LARP1: variants seen among roughly 807,000 people sequenced by gnomAD.
LARP1 encodes La ribonucleoprotein 1, translational regulator, also known as la-related protein 1.
A neutral mutation model predicts 122.7 loss-of-function variants in LARP1; 36 were observed. The observed-to-expected ratio is 0.29, with a 90% CI of 0.22 to 0.39. The LOEUF (loss-of-function observed/expected upper bound fraction) is 0.39. Among genes scored for constraint, LARP1 ranks in the 10% least tolerant of loss-of-function variants. The probability of loss-of-function intolerance (pLI) is 1.00; values close to 1 mark genes in which losing one functional copy is unlikely to be tolerated. For synonymous variants in LARP1, 539 were observed against 528.7 expected (o/e 1.02, Z -0.27); for missense variants, 1,040 against 1,403.6 (o/e 0.74, Z 4.14).
chr5:154,755,541 G>A lies in LARP1; in HGVS notation c.-217G>A. 1 of 986,932 alleles carries A rather than the reference G, an allele frequency of 1.0e-6. No homozygotes were observed. The highest frequency in any genetic ancestry group is 1.2e-6 in the Non-Finnish European group (1 of 829,802). 61.1% of individuals were successfully genotyped at this position (986,932 alleles called of 1,614,324 possible). ...GGAGGCCTGGACTGCAGAGTGGGGG[G>A]CCTTCCTCCCCCCCCGCCCCGCTAG... On this transcript the variant is annotated 5_prime_UTR_variant, in exon 1 of 19. Coordinates refer to ENST00000518297, the MANE Select transcript of LARP1 (RefSeq NM_033551.3).
Position 154,781,603 on chromosome 5 carries a change from GA to G in LARP1, c.437-8712del, listed in dbSNP as rs796931387. Among the ~76,000 whole-genome samples, 22 of 146,234 alleles carry G rather than the reference GA, an allele frequency of 1.5e-4. No homozygotes were observed. In the South Asian group the frequency reaches 2.8e-3, roughly 19 times the overall value. On this transcript the variant is annotated intron_variant, in intron 1 of 18. Transcript: ENST00000518297. Reference sequence around the variant, plus strand: ...AGTGAGACTCCGTCTCAAAAAAAAGGAAAAAAAAAACGGAAAAATAAATGAG... The same window carrying G: ...AGTGAGACTCCGTCTCAAAAAAAAGGAAAAAAAAACGGAAAAATAAATGAG...
At chr5:154,767,916 C>A (rs1755085652) in intron 1 of LARP1, among the ~76,000 whole-genome samples, 2 of 152,122 alleles carry the variant, frequency 1.3e-5, no homozygotes, top group African/African-American at 4.8e-5. Flanking sequence ...AAATCAGGAA[C>A]ACCTGGAAGA....
chr5:154,786,392 C>A, intron 1 of LARP1: 1 of 449,648 alleles, frequency 2.2e-6, no homozygotes, highest in South Asian at 1.6e-5. Context: ...AGCCCCCGGA[C>A]CCCCTGGAAC....
At chr5:154,724,403 G>C (rs1417493675) in intron 1 of LARP1, among the ~76,000 whole-genome samples, 1 of 152,162 alleles carries the variant, frequency 6.6e-6, no homozygotes, top group Non-Finnish European at 1.5e-5. Context: ...AGTCTTCTCT[G>C]GGTCCAATAT....
At chr5:154,739,439 A>G (rs1561555925) in intron 1 of LARP1, among the ~76,000 whole-genome samples, 1 of 152,242 alleles carries the variant, frequency 6.6e-6, no homozygotes, top group Non-Finnish European at 1.5e-5. Context: ...TGCCTTGCTA[A>G]AAGCGGTAAG....
chr5:154,768,332 G>A (rs1030891825), intron 1 of LARP1, among the ~76,000 whole-genome samples: 15 of 152,200 alleles, frequency 9.9e-5, no homozygotes, highest in African/African-American at 3.4e-4. Flanking sequence ...GTCAGGCCCT[G>A]AGATTCAGAG....
upstream of LARP1, among the ~76,000 whole-genome samples, chr5:154,751,448 T>A (rs1753484185): frequency 6.6e-6 from 1 of 152,224 alleles, no homozygotes; most frequent in South Asian, 2.1e-4. Context: ...TTAAATGAGA[T>A]AATGAATATC....
rs1223409537 is a variant in LARP1 at position 154,799,623 on chromosome 5, T to C, written c.1410T>C (p.Val470=). 1 of 1,614,032 alleles carries C rather than the reference T, an allele frequency of 6.2e-7. No individual in the cohort carries two copies. Among genetic ancestry groups the C allele is most frequent in the African/African-American group, 1.3e-5 (1 of 74,918 alleles). The change falls in exon 9 of 19, where the codon GTT becomes GTC. Residue 470 remains valine, a synonymous_variant. Coordinates refer to ENST00000518297, the MANE Select transcript of LARP1 (RefSeq NM_033551.3). ...AGGACAGCAAGGTGGTGGAGATCGT[T>C]GATGAGAAAGTTCGTAGGAGGGAGG... ...ALKDSKVVEI[V]DEKVRRREEP... is the part of the protein sequence containing the mutation.
intron 1 of LARP1, among the ~76,000 whole-genome samples, chr5:154,740,089 TAA>T (rs11437990): frequency 1.6e-4 from 19 of 118,768 alleles, no homozygotes; most frequent in African/African-American, 2.3e-4. Context: ...ACACAAACAT[TAA>T]AAAAAAAAAA....
chr5:154,811,130 T>A (rs115158361), intron 16 of LARP1, 117 bp from the exon 17 acceptor site: 2 of 744,924 alleles, frequency 2.7e-6, no homozygotes, highest in Non-Finnish European at 4.5e-6. Flanking sequence ...ATGCTGTTTT[T>A]TCAATACAGA....
rs376543701 is a variant in LARP1 at position 154,721,410 on chromosome 5, G to GTT, written c.205+8281_205+8282dup. Among the ~76,000 whole-genome samples the GTT allele has an allele frequency of 4.8e-3, 733 of 151,702 alleles. 6 individuals carry two copies. The highest frequency in any genetic ancestry group is 0.017 in the African/African-American group (701 of 41,378). ...CTCTGTTTGTTTGAATGTTGAAAAC[G>GTT]TTCATGTGGCCCCACCCACAGCTTC... is the stretch of plus-strand genomic sequence containing the variant. On this transcript the variant is annotated intron_variant, in intron 1 of 18. Coordinates refer to the LARP1 transcript ENST00000336314.
At chr5:154,690,280 A>G (rs78189925) in intron 1 of LARP1, among the ~76,000 whole-genome samples, 6,690 of 152,142 alleles carry the variant, frequency 0.044, 247 homozygotes, top group Admixed American at 0.11. Flanking sequence ...ATTTGGGTGG[A>G]CTTCATGGAA....
At position 154,795,246 on chromosome 5, in the gene LARP1, T is replaced by C; in HGVS notation, c.1304T>C (p.Phe435Ser). ...CGAAGGAAAATGGATGCTGATGGTTTCCTACCCATCACCCTTATTGCTTCC... is the reference window on the plus strand; with the variant it reads ...CGAAGGAAAATGGATGCTGATGGTTCCCTACCCATCACCCTTATTGCTTCC... ...FLRRKMDADG[F>S]LPITLIASFH... is the part of the protein sequence containing the mutation. The change falls in exon 8 of 19, where the codon TTC becomes TCC. Residue 435 changes from phenylalanine to serine, a missense_variant. This residue lies in a region of LARP1 where 362 missense variants were observed against 533.1 expected (regional missense o/e 0.68). Transcript: ENST00000518297. The C allele has an allele frequency of 6.2e-7, 1 of 1,613,254 alleles. No individual in the cohort carries two copies. Among genetic ancestry groups the C allele is most frequent in the South Asian group, 1.1e-5 (1 of 91,058 alleles).
At chr5:154,790,549 G>T in intron 2 of LARP1, 96 bp from the exon 3 acceptor site, 1 of 1,399,948 alleles carries the variant, frequency 7.1e-7, no homozygotes, top group South Asian at 1.2e-5. Context: ...TGAACAGACT[G>T]ATTTGGCCTC....
intron 1 of LARP1, among the ~76,000 whole-genome samples, chr5:154,771,442 T>C (rs1469891327): frequency 6.6e-6 from 1 of 152,206 alleles, no homozygotes; most frequent in Non-Finnish European, 1.5e-5. Context: ...GGTTCACTAA[T>C]TTGCTGAAGG....
chr5:154,746,830 TA>T (rs1561561091), intron 1 of LARP1, among the ~76,000 whole-genome samples: 2 of 152,046 alleles, frequency 1.3e-5, no homozygotes, highest in Admixed American at 6.6e-5. Context: ...GTGTCTCTAC[TA>T]AAAAACTGAA....
At chr5:154,755,078 A>G (rs1333743891), upstream of LARP1, among the ~76,000 whole-genome samples, 3 of 151,498 alleles carry the variant, frequency 2.0e-5, no homozygotes, top group Admixed American at 6.6e-5. Flanking sequence ...GCCCCCACCG[A>G]CAACTCCCGA....
intron 1 of LARP1, among the ~76,000 whole-genome samples, chr5:154,714,143 C>G (rs1755363537): frequency 6.6e-6 from 1 of 152,166 alleles, no homozygotes; most frequent in Non-Finnish European, 1.5e-5. Flanking sequence ...TATGACCAAA[C>G]AAAGTCTGTT....
chr5:154,770,921 T>A (rs1018169442), intron 1 of LARP1, among the ~76,000 whole-genome samples: 4 of 152,106 alleles, frequency 2.6e-5, no homozygotes, highest in African/African-American at 9.7e-5. Context: ...AAGACCAGCC[T>A]GCCCAATGTG....
Sources: gnomAD v4.1 joint callset for allele counts (sites outside exome capture counted in the v4.1 genomes callset) on GRCh38, gnomAD v4.1.1 for gene constraint, gnomAD v4.1.1 regional missense constraint, MANE v1.5 for transcripts, NCBI Gene and HGNC (gene_info 2026-07-23, HGNC 2026-07-21) for gene names.